CCDC179: variants seen among roughly 807,000 people sequenced by gnomAD.
CCDC179 encodes coiled-coil domain-containing protein 179.
A neutral mutation model predicts 12.0 loss-of-function variants in CCDC179; 17 were observed. The ratio of observed to expected loss-of-function variants is 1.42; its 90% CI spans 0.97 to 2.13. The LOEUF is 2.13. CCDC179 is among the 30% of genes most tolerant of loss of function. CCDC179 has a pLI of 0.00. For synonymous variants in CCDC179, 27 were observed against 26.4 expected, an observed-to-expected ratio of 1.02 and a Z score of -0.07; for missense variants, 83 against 78.6, an observed-to-expected ratio of 1.06 and a Z score of -0.21.
intron 3 of CCDC179, among the ~76,000 whole-genome samples, chr11:22,857,170 T>G (rs1195377464): frequency 6.6e-6 from 1 of 151,620 alleles, no homozygotes; most frequent in Non-Finnish European, 1.5e-5. Flanking sequence ...ACAAACTGAT[T>G]CTAAATTTTA....
intron 3 of CCDC179, among the ~76,000 whole-genome samples, chr11:22,850,721 T>C (rs1422544120): frequency 6.6e-6 from 1 of 151,660 alleles, no homozygotes; most frequent in Non-Finnish European, 1.5e-5. Context: ...GAAAACAAGA[T>C]TGATGGTACT....
intron 3 of CCDC179, among the ~76,000 whole-genome samples, chr11:22,852,975 A>G (rs1459470167): frequency 1.4e-4 from 21 of 152,208 alleles, no homozygotes; most frequent in Non-Finnish European, 4.4e-5. Flanking sequence ...TCCTGTATAT[A>G]TCAGAGGATT....
rs1858565376 is a variant in CCDC179, at chr11:22,857,934, T to G, written c.183A>C (p.Glu61Asp). 6.6e-6 allele frequency: 10 copies of G among 1,512,132 alleles called. No homozygotes were observed. Among genetic ancestry groups the G allele is most frequent in the Non-Finnish European group, 7.9e-6 (9 of 1,132,772 alleles). The allele number at this position is 1,512,132 out of a possible 1,614,324, so 93.7% of individuals were successfully genotyped here. ...KRFSRPSPIPEPGLLWSS is the reference protein window; with the variant it reads ...KRFSRPSPIPDPGLLWSS The stretch of plus-strand genomic sequence containing the variant: ...CCTCTATACTTACTAGGAGTCCTGG[T>G]TCTGGAATAGGAGAAGGCCTTGAAA... Residue 61 changes from glutamate (E) to aspartate (D), a missense_variant, in exon 3 of 4, where the codon GAA becomes GAC. Glu to Asp is a conservative substitution (Grantham distance 45). Transcript: ENST00000532798.
chr11:22,859,516 A>G lies in CCDC179; in HGVS notation c.46-20T>C. On this transcript the variant is annotated intron_variant, in intron 1 of 3. Coordinates refer to ENST00000532798, the MANE Select transcript of CCDC179 (RefSeq NM_001195637.2). The stretch of plus-strand genomic sequence containing the variant: ...TCCTTCCTATATAATAAACAAAATT[A>G]AAACACATTCACACAAAAAAGTCAT... 2.8e-6 allele frequency: 4 copies of G among 1,428,742 alleles called. No homozygotes were observed. Among genetic ancestry groups the G allele is most frequent in the East Asian group, 2.6e-5 (1 of 38,702 alleles). The allele number at this position is 1,428,742 out of a possible 1,614,324, so 88.5% of individuals were successfully genotyped here. A position where few individuals can be genotyped will look rare whatever the true frequency, so the allele number is the denominator to read the frequency against.
intron 1 of CCDC179, among the ~76,000 whole-genome samples, chr11:22,859,703 G>T (rs1429519108): frequency 6.6e-6 from 1 of 152,128 alleles, no homozygotes; most frequent in Non-Finnish European, 1.5e-5. Flanking sequence ...GTGGAAGATG[G>T]AGACGATATT....
chr11:22,856,736 G>C (rs1323194864), intron 3 of CCDC179, among the ~76,000 whole-genome samples: 1 of 151,530 alleles, frequency 6.6e-6, no homozygotes, highest in Non-Finnish European at 1.5e-5. Context: ...TTCGTTCACA[G>C]ACGACCTGAC....
intron 3 of CCDC179, among the ~76,000 whole-genome samples, chr11:22,854,722 A>G (rs959309288): frequency 6.6e-6 from 1 of 151,818 alleles, no homozygotes; most frequent in Non-Finnish European, 1.5e-5. Flanking sequence ...GATAAGGCAC[A>G]TACTAATTCG....
At chr11:22,854,922 A>C (rs1015226576) in intron 3 of CCDC179, among the ~76,000 whole-genome samples, 1 of 151,802 alleles carries the variant, frequency 6.6e-6, no homozygotes, top group Non-Finnish European at 1.5e-5. Context: ...TGCATTATTA[A>C]TTTCAGACAA....
intron 1 of CCDC179, among the ~76,000 whole-genome samples, chr11:22,859,796 G>A (rs1181719102): frequency 1.3e-5 from 2 of 152,136 alleles, no homozygotes; most frequent in African/African-American, 4.8e-5. Flanking sequence ...AAGAATGTAC[G>A]AGAAATCGAA....
intron 2 of CCDC179, 68 bp downstream of exon 2, chr11:22,859,384 A>G: frequency 9.2e-7 from 1 of 1,085,004 alleles, no homozygotes; most frequent in Non-Finnish European, 1.3e-6. Flanking sequence ...AGGGACCACT[A>G]CATAAAGGAA....
At chr11:22,849,570 A>G (rs954670703) in intron 3 of CCDC179, among the ~76,000 whole-genome samples, 3 of 152,124 alleles carry the variant, frequency 2.0e-5, no homozygotes, top group African/African-American at 7.2e-5. Context: ...GGTTATATTC[A>G]TAAGTTTTTT....
At chr11:22,849,796 G>A (rs547455283) in intron 3 of CCDC179, among the ~76,000 whole-genome samples, 119 of 152,190 alleles carry the variant, frequency 7.8e-4, no homozygotes, top group Non-Finnish European at 1.4e-3. Context: ...CCCAGGGTTC[G>A]TTGTCCCGTA....
chr11:22,853,178 T>A (rs1858452179), intron 3 of CCDC179, among the ~76,000 whole-genome samples: 1 of 152,184 alleles, frequency 6.6e-6, no homozygotes, highest in African/African-American at 2.4e-5. Flanking sequence ...TTGTCTTCCT[T>A]AGTTTCTGTT....
chr11:22,854,906 T>C lies in CCDC179; in HGVS notation c.195+3016A>G, dbSNP rs561828366. On this transcript the variant is annotated intron_variant, in intron 3 of 3. Transcript: ENST00000532798. Reference sequence around the variant, plus strand: ...TTGCTAACAGTAATCAACAGAAAGCTGAAGTTGCATTATTAATTTCAGACA... The same window carrying C: ...TTGCTAACAGTAATCAACAGAAAGCCGAAGTTGCATTATTAATTTCAGACA... Among the ~76,000 whole-genome samples the C allele has an allele frequency of 9.2e-5, 14 of 151,828 alleles. No individual in the cohort carries two copies. In the East Asian group the frequency reaches 1.5e-3, roughly 17 times the overall value.
intron 2 of CCDC179, among the ~76,000 whole-genome samples, chr11:22,858,332 A>C (rs1467616488): frequency 1.3e-5 from 2 of 151,966 alleles, no homozygotes. Flanking sequence ...TTTGCTTTAA[A>C]AATAATGTTC....
At chr11:22,847,665 T>G in intron 3 of CCDC179, 144 bp from the exon 4 acceptor site, 1 of 411,490 alleles carries the variant, frequency 2.4e-6, no homozygotes, top group East Asian at 3.7e-5. Flanking sequence ...TAATCATTAA[T>G]AGCTAGGAAT....
chr11:22,859,654 G>A (rs567193239), intron 1 of CCDC179, among the ~76,000 whole-genome samples, 158 bp from the exon 2 acceptor site: 145 of 152,142 alleles, frequency 9.5e-4, no homozygotes, highest in African/African-American at 3.3e-3. Context: ...AAAGAAAAAA[G>A]TCAAGTTCAG....
At chr11:22,852,230 C>T (rs1858422629) in intron 3 of CCDC179, among the ~76,000 whole-genome samples, 1 of 152,214 alleles carries the variant, frequency 6.6e-6, no homozygotes, top group Non-Finnish European at 1.5e-5. Flanking sequence ...CTAACCAACT[C>T]CATCTTGCCT....
rs74645248 is a variant in CCDC179 at position 22,854,316 on chromosome 11, C to T, written c.195+3606G>A. Among the ~76,000 whole-genome samples the T allele has an allele frequency of 5.4e-3, 816 of 151,808 alleles. 12 individuals are homozygous for T. The highest frequency in any genetic ancestry group is 0.034 in the East Asian group (178 of 5,178). ...AATAAAATATTTTATCTGTCTTATTCTTAACTGATCTAAGAAATAATAATT... is the reference window on the plus strand; with the variant it reads ...AATAAAATATTTTATCTGTCTTATTTTTAACTGATCTAAGAAATAATAATT... On this transcript the variant is annotated intron_variant, in intron 3 of 3. Coordinates refer to ENST00000532798, the MANE Select transcript of CCDC179 (RefSeq NM_001195637.2).
Sources: allele counts gnomAD v4.1 joint callset (sites outside exome capture counted in the v4.1 genomes callset), GRCh38; gene constraint gnomAD v4.1.1; transcripts MANE v1.5; gene names NCBI Gene and HGNC (gene_info 2026-07-23, HGNC 2026-07-21).